The following PIK3C3 variants were observed in gnomAD, a reference collection of about 807,000 sequenced individuals.
The protein encoded by PIK3C3 is PI3-kinase type 3.
A neutral mutation model predicts 126.1 loss-of-function variants in PIK3C3; 95 were observed. The observed-to-expected ratio is 0.75, with a 90% confidence interval of 0.64 to 0.89. The LOEUF (loss-of-function observed/expected upper bound fraction) is 0.89, where lower values mean the gene tolerates loss of function less well. PIK3C3 is among the 40% of genes least tolerant of loss of function. PIK3C3 has a pLI of 0.00. For missense variants in PIK3C3, 829 were observed against 1,063.2 expected, an observed-to-expected ratio of 0.78 and a Z score of 3.06; for synonymous variants, 374 against 360.0, an observed-to-expected ratio of 1.04 and a Z score of -0.44.
intron 10 of PIK3C3, among the ~76,000 whole-genome samples, chr18:42,006,253 G>A (rs1357552567): frequency 6.8e-6 from 1 of 148,010 alleles, no homozygotes; most frequent in Non-Finnish European, 1.5e-5. Context: ...GAGCACAGGA[G>A]CTTCTGTCCC....
At chr18:42,043,172 C>CA in intron 19 of PIK3C3, among the ~76,000 whole-genome samples, 1 of 151,170 alleles carries the variant, frequency 6.6e-6, no homozygotes, top group South Asian at 2.1e-4. Flanking sequence ...GATCTCGGCT[C>CA]ACTGCAACCT....
intron 4 of PIK3C3, among the ~76,000 whole-genome samples, chr18:41,976,874 G>T (rs1221211041): frequency 6.6e-6 from 1 of 152,128 alleles, no homozygotes; most frequent in Non-Finnish European, 1.5e-5. Context: ...TTTATTTATG[G>T]TTACATATTT....
chr18:41,963,919 T>A (rs1481213799), intron 3 of PIK3C3, among the ~76,000 whole-genome samples: 2 of 151,720 alleles, frequency 1.3e-5, no homozygotes, highest in Non-Finnish European at 2.9e-5. Flanking sequence ...ATGTTACAAA[T>A]ACTGCTTTTC....
At chr18:42,045,612 G>T (rs933270865) in intron 20 of PIK3C3, among the ~76,000 whole-genome samples, 1 of 152,114 alleles carries the variant, frequency 6.6e-6, no homozygotes, top group African/African-American at 2.4e-5. Flanking sequence ...TGAAGGCCAG[G>T]GCTGGGAAGC....
intron 3 of PIK3C3, among the ~76,000 whole-genome samples, chr18:41,967,121 A>C (rs890858188): frequency 1.3e-5 from 2 of 151,994 alleles, no homozygotes; most frequent in Non-Finnish European, 2.9e-5. Flanking sequence ...GGCATTTCCT[A>C]GTCCTAAGCA....
At chr18:42,001,175 A>G (rs562379530) in intron 9 of PIK3C3, among the ~76,000 whole-genome samples, 2 of 152,372 alleles carry the variant, frequency 1.3e-5, no homozygotes, top group African/African-American at 4.8e-5. Flanking sequence ...CACATATAGT[A>G]AAGCTAACAT....
chr18:42,053,033 A>G (rs1984872734), intron 21 of PIK3C3: 1 of 152,192 alleles, frequency 6.6e-6, no homozygotes, highest in Non-Finnish European at 1.5e-5. Flanking sequence ...AATTTCAATC[A>G]GACTTCCACT....
At position 42,043,834 on chromosome 18, in the gene PIK3C3, A is replaced by G. The variant is rs879088416; in HGVS notation, c.2188+17A>G. 2.7e-5 allele frequency: 42 copies of G among 1,531,234 alleles called. No individual in the cohort carries two copies. The South Asian group carries it at 3.5e-4, about 13-fold the overall frequency. The allele number at this position is 1,531,234 out of a possible 1,614,324, so 94.9% of individuals were successfully genotyped here. On this transcript the variant is annotated intron_variant, in intron 20 of 24. Coordinates refer to ENST00000262039, the MANE Select transcript of PIK3C3 (RefSeq NM_002647.4). ...AAAGCTGTGGTAAGTTTTTCAGGCT[A>G]TTACTTTCCATTGATCAGATAAAGA...
intron 6 of PIK3C3, among the ~76,000 whole-genome samples, chr18:41,992,980 A>G (rs1162245282): frequency 1.3e-5 from 2 of 152,146 alleles, no homozygotes; most frequent in African/African-American, 4.8e-5. Flanking sequence ...TATATGAACG[A>G]AGTTTAAAAA....
intron 8 of PIK3C3, among the ~76,000 whole-genome samples, chr18:41,996,353 G>A (rs879507654): frequency 2.6e-5 from 4 of 152,050 alleles, no homozygotes; most frequent in African/African-American, 7.2e-5. Context: ...GGTAGAAGAC[G>A]TTGTTATTTT....
At chr18:42,023,349 A>G (rs1983410846) in intron 13 of PIK3C3, among the ~76,000 whole-genome samples, 1 of 152,240 alleles carries the variant, frequency 6.6e-6, no homozygotes, top group African/African-American at 2.4e-5. Flanking sequence ...AAGCAGCCAA[A>G]CAGTAGGAAA....
At chr18:42,045,413 G>T (rs958266822) in intron 20 of PIK3C3, among the ~76,000 whole-genome samples, 5 of 151,956 alleles carry the variant, frequency 3.3e-5, no homozygotes, top group Non-Finnish European at 7.4e-5. Flanking sequence ...AAAAAAAATT[G>T]CATATCATCT....
At chr18:41,988,756 G>A (rs973918378) in intron 5 of PIK3C3, among the ~76,000 whole-genome samples, 3 of 151,904 alleles carry the variant, frequency 2.0e-5, no homozygotes, top group African/African-American at 7.3e-5. Context: ...TTCAATTCTC[G>A]TATTTGGTAC....
chr18:42,019,521 A>C (rs1048462671), intron 12 of PIK3C3, among the ~76,000 whole-genome samples: 1 of 152,066 alleles, frequency 6.6e-6, no homozygotes, highest in African/African-American at 2.4e-5. Context: ...AACTCTTCTC[A>C]TGGTTTAGGT....
intron 4 of PIK3C3, among the ~76,000 whole-genome samples, chr18:41,983,244 C>T (rs1408049206): frequency 2.0e-5 from 3 of 152,062 alleles, no homozygotes; most frequent in African/African-American, 7.2e-5. Context: ...ATTCTATGCT[C>T]ATCTGAAGGA....
intron 2 of PIK3C3, among the ~76,000 whole-genome samples, chr18:41,961,099 G>A (rs1444292351): frequency 6.6e-6 from 1 of 152,102 alleles, no homozygotes; most frequent in Non-Finnish European, 1.5e-5. Flanking sequence ...GTGTTGCCTG[G>A]TATTGGATAG....
chr18:41,957,361 A>G (rs1018399765), intron 1 of PIK3C3, among the ~76,000 whole-genome samples: 1 of 152,234 alleles, frequency 6.6e-6, no homozygotes, highest in Non-Finnish European at 1.5e-5. Context: ...TAGGATTTTA[A>G]GAAACCCTTA....
At chr18:42,004,050 T>C (rs1175976284) in intron 9 of PIK3C3, among the ~76,000 whole-genome samples, 1 of 152,166 alleles carries the variant, frequency 6.6e-6, no homozygotes, top group Non-Finnish European at 1.5e-5. Flanking sequence ...ACTATTTCCA[T>C]GTCTTGAGCC....
At chr18:41,968,704 TTATTACCTTAGGAAAATCTATG>T (rs1340071220) in intron 3 of PIK3C3, among the ~76,000 whole-genome samples, 1 of 152,184 alleles carries the variant, frequency 6.6e-6, no homozygotes, top group Non-Finnish European at 1.5e-5. Context: ...GTGAAAATCT[TTATTACCTTAGGAAAATCTATG>T]AAGAAAGTTT....
Sources: allele counts gnomAD v4.1 joint callset (sites outside exome capture counted in the v4.1 genomes callset), GRCh38; gene constraint gnomAD v4.1.1; transcripts MANE v1.5; gene names NCBI Gene and HGNC (gene_info 2026-07-23, HGNC 2026-07-21).